ADCY3: variants seen among roughly 807,000 people sequenced by gnomAD.
ADCY3 encodes adenylate cyclase 3, also known as adenylate cyclase type 3.
In ADCY3, 70 loss-of-function variants were observed where a neutral mutation model predicts 119.4. The ratio of observed to expected loss-of-function variants is 0.59; its 90% CI spans 0.48 to 0.72. ADCY3 has a LOEUF of 0.72. Among genes scored for constraint, ADCY3 ranks in the 30% least tolerant of loss-of-function variants. The pLI, the probability that ADCY3 is intolerant of heterozygous loss-of-function variation, is 0.00. For synonymous variants in ADCY3, 672 were observed against 621.4 expected, an observed-to-expected ratio of 1.08 and a Z score of -1.21; for missense variants, 1,238 against 1,541.6, an observed-to-expected ratio of 0.80 and a Z score of 3.30.
At chr2:24,843,016 G>A (rs1341684117) in intron 3 of ADCY3, among the ~76,000 whole-genome samples, 1 of 152,228 alleles carries the variant, frequency 6.6e-6, no homozygotes, top group Non-Finnish European at 1.5e-5. Context: ...GAGGCATCAA[G>A]GAGGCCTTCC....
At chr2:24,913,951 C>A (rs552761116) in intron 2 of ADCY3, among the ~76,000 whole-genome samples, 5 of 152,132 alleles carry the variant, frequency 3.3e-5, no homozygotes, top group Admixed American at 3.3e-4. Flanking sequence ...GCTAAAGGCA[C>A]GCCCCGCCCA....
chr2:24,823,837 G>A (rs577493188), intron 17 of ADCY3, among the ~76,000 whole-genome samples: 2 of 152,170 alleles, frequency 1.3e-5, no homozygotes, highest in South Asian at 4.1e-4. Context: ...GACGACAGGT[G>A]TGCACCACCG....
intron 19 of ADCY3, chr2:24,821,932 GT>G (rs1354572598): frequency 8.6e-6 from 3 of 348,996 alleles, no homozygotes; most frequent in Admixed American, 8.8e-5. Flanking sequence ...TGGTCCTTAG[GT>G]TTTGTCAGGT....
At chr2:24,823,438 C>T in intron 17 of ADCY3, 83 bp from the exon 18 acceptor site, 1 of 1,483,708 alleles carries the variant, frequency 6.7e-7, no homozygotes, top group South Asian at 1.3e-5. Context: ...ATCTTCCATG[C>T]ATGACATGTG....
rs538307188 is a variant in ADCY3 at position 24,896,254 on chromosome 2, A to T, written c.675+22059T>A. ...ACAAAAATTAGCCAGGCATGGTGGC[A>T]TGCACCTGTAATCCCAGCTACTCCG... is the stretch of plus-strand genomic sequence containing the variant. On this transcript the variant is annotated intron_variant, in intron 2 of 21. Transcript: ENST00000679454. 3.3e-5 allele frequency among the ~76,000 whole-genome samples: 5 copies of T among 152,172 alleles called. No individual in the cohort carries two copies. The South Asian group carries it at 6.2e-4, about 19-fold the overall frequency.
In ADCY3 at chr2:24,918,230, A is replaced by G; in HGVS notation, c.675+83T>C. 1 of 1,467,438 alleles carries G rather than the reference A, an allele frequency of 6.8e-7. No homozygotes were observed. Among genetic ancestry groups the G allele is most frequent in the East Asian group, 2.3e-5 (1 of 43,520 alleles). 90.9% of individuals were successfully genotyped at this position (1,467,438 alleles called of 1,614,324 possible). Reference sequence around the variant, plus strand: ...CAGGACACATTTTGACTCAAAGGCAAAGCAAACAGCAACTCCAACAGGTCC... The same window carrying G: ...CAGGACACATTTTGACTCAAAGGCAGAGCAAACAGCAACTCCAACAGGTCC... On this transcript the variant is annotated intron_variant, in intron 2 of 21. Transcript: ENST00000679454. This position sits in a 1 kb window ranked among gnomAD's most constrained non-coding sequence, Gnocchi z 5.4.
intron 2 of ADCY3, among the ~76,000 whole-genome samples, chr2:24,908,729 AG>A (rs1162188783): frequency 1.1e-4 from 16 of 152,106 alleles, no homozygotes; most frequent in Middle Eastern, 3.2e-3. Context: ...CACCTTGGCT[AG>A]GCTTAAGTCT....
At chr2:24,829,656 T>A (rs941147552) in intron 13 of ADCY3, among the ~76,000 whole-genome samples, 4 of 151,028 alleles carry the variant, frequency 2.6e-5, no homozygotes, top group African/African-American at 7.3e-5. Flanking sequence ...TCTCCTGACC[T>A]CGTGATCCGC....
intron 3 of ADCY3, among the ~76,000 whole-genome samples, chr2:24,867,783 A>G (rs1039567583): frequency 2.0e-5 from 3 of 152,222 alleles, no homozygotes; most frequent in African/African-American, 4.8e-5. Flanking sequence ...GTGGGTAAAT[A>G]TAAGTAAAGA....
chr2:24,850,623 C>G (rs994765665), intron 3 of ADCY3, among the ~76,000 whole-genome samples: 1 of 152,218 alleles, frequency 6.6e-6, no homozygotes, highest in Non-Finnish European at 1.5e-5. Flanking sequence ...AAACCTTTGA[C>G]CCATTAATAG....
Position 24,834,398 on chromosome 2 carries a change from G to A in ADCY3, c.1967+87C>T. On this transcript the variant is annotated intron_variant, in intron 11 of 21. Transcript: ENST00000679454. The surrounding 1 kb of genome is among the most constrained non-coding windows in gnomAD (Gnocchi z 4.2). ...GAGACTGGCTTGCTCCCCAATGTCA[G>A]GCTCCCGCTGAGACACCTGCCCCCG... 1 of 1,261,578 alleles carries A rather than the reference G, an allele frequency of 7.9e-7. No individual in the cohort carries two copies. The highest frequency in any genetic ancestry group is 1.1e-6 in the Non-Finnish European group (1 of 913,696). The allele number at this position is 1,261,578 out of a possible 1,614,324, so 78.1% of individuals were successfully genotyped here. A position where few individuals can be genotyped will look rare whatever the true frequency, so the allele number is the denominator to read the frequency against.
chr2:24,878,050 T>C lies in ADCY3; in HGVS notation c.676-5331A>G. On this transcript the variant is annotated intron_variant, in intron 2 of 21. Coordinates refer to ENST00000679454, the MANE Select transcript of ADCY3 (RefSeq NM_004036.5). This position sits in a 1 kb window ranked among gnomAD's most constrained non-coding sequence, Gnocchi z 4.0. ...ACAGAGGTCCACAGCCCCTGGGGTCTCTATTTATAGATCTTTTTACAAGTT... is the reference window on the plus strand; with the variant it reads ...ACAGAGGTCCACAGCCCCTGGGGTCCCTATTTATAGATCTTTTTACAAGTT... The C allele has an allele frequency of 2.8e-6, 1 of 358,920 alleles. No individual in the cohort carries two copies. Among genetic ancestry groups the C allele is most frequent in the Admixed American group, 3.4e-5 (1 of 29,176 alleles). 22.2% of individuals were successfully genotyped at this position (358,920 alleles called of 1,614,324 possible).
In ADCY3 at chr2:24,834,586, G is replaced by A. The variant is rs760125983; in HGVS notation, c.1866C>T (p.Thr622=). The part of the protein sequence containing the change: ...SMRFMDPEME[T]RYSVEKEKQS... ...GCTTCTCCTTCTCCACCGAGTAGCG[G>A]GTTTCCATCTCGGGGTCCATGAACC... Residue 622 remains threonine, a synonymous_variant, in exon 11 of 22, where the codon ACC becomes ACT. Transcript: ENST00000679454. This position sits in a 1 kb window ranked among gnomAD's most constrained non-coding sequence, Gnocchi z 4.2. 6 of 1,614,122 alleles carry A rather than the reference G, an allele frequency of 3.7e-6. No homozygotes were observed. The highest frequency in any genetic ancestry group is 4.2e-6 in the Non-Finnish European group (5 of 1,180,034).
chr2:24,913,112 G>A (rs1437294547), intron 2 of ADCY3, among the ~76,000 whole-genome samples: 5 of 152,210 alleles, frequency 3.3e-5, no homozygotes, highest in Admixed American at 3.3e-4. Flanking sequence ...CAGGGCCAAA[G>A]AGCCAGGACT....
intron 12 of ADCY3, among the ~76,000 whole-genome samples, chr2:24,831,242 A>AC (rs1020516797): frequency 1.3e-5 from 2 of 151,534 alleles, no homozygotes; most frequent in South Asian, 2.1e-4. Flanking sequence ...AAAAAAAAAA[A>AC]AACTCTGCTT....
chr2:24,914,395 C>T (rs1033932131), intron 2 of ADCY3, among the ~76,000 whole-genome samples: 3 of 152,184 alleles, frequency 2.0e-5, no homozygotes, highest in African/African-American at 7.2e-5. Context: ...GTTCCCTCCT[C>T]TGGACAGCGG....
At chr2:24,888,514 GTCC>G (rs1677323670) in intron 2 of ADCY3, among the ~76,000 whole-genome samples, 1 of 152,298 alleles carries the variant, frequency 6.6e-6, no homozygotes, top group East Asian at 1.9e-4. Flanking sequence ...TAGTCAACAA[GTCC>G]TCCTCCAGCC....
In ADCY3 at chr2:24,837,023, GC is replaced by G; in HGVS notation, c.1555del (p.Ala519LeufsTer84). ...NGSALPNGAP[A>X]SSKSSSPALI... ...GGCAGGGGAGCTGGACTTTGAGGAA[GC>G]TGGTGCTCCATTGGGCAGGGCCTAG... On this transcript the variant is annotated frameshift_variant, in exon 9 of 22. Coordinates refer to ENST00000679454, the MANE Select transcript of ADCY3 (RefSeq NM_004036.5). LOFTEE classifies it high-confidence loss of function. The G allele has an allele frequency of 6.2e-7, 1 of 1,614,118 alleles. No individual in the cohort carries two copies. The highest frequency in any genetic ancestry group is 1.3e-5 in the African/African-American group (1 of 75,064).
Position 24,904,627 on chromosome 2 carries a change from C to T in ADCY3, c.675+13686G>A, listed in dbSNP as rs369671423. Among the ~76,000 whole-genome samples the T allele has an allele frequency of 1.2e-3, 184 of 152,124 alleles. 1 individual carries two copies. Among genetic ancestry groups the T allele is most frequent in the Non-Finnish European group, 1.8e-3 (119 of 67,966 alleles). On this transcript the variant is annotated intron_variant, in intron 2 of 21. Transcript: ENST00000679454. ...ACATTTAGAAGGCAACCAAAAAAAA[C>T]GGTGACCCAGCTTGTAAGTTTCTTC...
Sources: allele counts gnomAD v4.1 joint callset (sites outside exome capture counted in the v4.1 genomes callset), GRCh38; gene constraint gnomAD v4.1.1; non-coding constraint Gnocchi (gnomAD v3.1); transcripts MANE v1.5; gene names NCBI Gene and HGNC (gene_info 2026-07-23, HGNC 2026-07-21).